The following ERBB4 variants were observed in gnomAD, a reference collection of about 807,000 sequenced individuals.
The protein encoded by ERBB4 is receptor tyrosine-protein kinase erbB-4.
In ERBB4, 42 loss-of-function variants were observed where a neutral mutation model predicts 158.0. That is an observed-to-expected ratio of 0.27 (90% CI 0.21 to 0.34). The LOEUF is 0.34. ERBB4 is among the 10% of genes least tolerant of loss of function. The pLI, the probability that ERBB4 is intolerant of heterozygous loss-of-function variation, is 1.00. For synonymous variants in ERBB4, 583 were observed against 558.7 expected (o/e 1.04, Z -0.61); for missense variants, 1,333 against 1,624.1 (o/e 0.82, Z 3.08).
At position 211,590,433 on chromosome 2, in the gene ERBB4, G is replaced by A. The variant is rs146889897; in HGVS notation, c.2302-28345C>T. 5.9e-5 allele frequency among the ~76,000 whole-genome samples: 9 copies of A among 152,256 alleles called. No individual in the cohort carries two copies. In the East Asian group the frequency reaches 1.2e-3, roughly 20 times the overall value. On this transcript the variant is annotated intron_variant, in intron 19 of 27. Transcript: ENST00000342788. ...CTGCTTCTCCCTAAACTGCTCCTAAGATCAGTGCCTGAGATATTTTGCAGC... is the reference window on the plus strand; with the variant it reads ...CTGCTTCTCCCTAAACTGCTCCTAAAATCAGTGCCTGAGATATTTTGCAGC...
chr2:211,649,111 T>C (rs760867680), intron 16 of ERBB4, among the ~76,000 whole-genome samples: 5 of 151,868 alleles, frequency 3.3e-5, no homozygotes, highest in Non-Finnish European at 7.4e-5. Context: ...TCATGGAATT[T>C]ATTGGTCCAG....
chr2:212,495,918 C>T (rs973114919), intron 1 of ERBB4, among the ~76,000 whole-genome samples: 5 of 152,094 alleles, frequency 3.3e-5, no homozygotes, highest in African/African-American at 7.2e-5. Flanking sequence ...TTCTCCCTCA[C>T]AAAAATAACA....
At chr2:212,192,600 C>G (rs1377039113) in intron 1 of ERBB4, among the ~76,000 whole-genome samples, 1 of 151,964 alleles carries the variant, frequency 6.6e-6, no homozygotes, top group Non-Finnish European at 1.5e-5. Context: ...AACAATAATG[C>G]CTTTGGTCTT....
At chr2:212,151,681 G>A (rs2080875918) in intron 1 of ERBB4, among the ~76,000 whole-genome samples, 1 of 152,088 alleles carries the variant, frequency 6.6e-6, no homozygotes. Context: ...TTGAGGTCAG[G>A]AGTTCGAGAT....
At chr2:212,152,500 C>T (rs961320590) in intron 1 of ERBB4, among the ~76,000 whole-genome samples, 1 of 152,074 alleles carries the variant, frequency 6.6e-6, no homozygotes, top group Non-Finnish European at 1.5e-5. Flanking sequence ...TTCTTCTTTG[C>T]GACTCTACCA....
At chr2:211,948,218 T>C (rs2080758206) in intron 2 of ERBB4, among the ~76,000 whole-genome samples, 1 of 151,914 alleles carries the variant, frequency 6.6e-6, no homozygotes, top group African/African-American at 2.4e-5. Context: ...GAGTGGATCA[T>C]GAGGTCAAGA....
intron 1 of ERBB4, among the ~76,000 whole-genome samples, chr2:212,468,755 CTT>C (rs769699185): frequency 6.6e-6 from 1 of 152,148 alleles, no homozygotes; most frequent in African/African-American, 2.4e-5. Context: ...GAGAACCGTA[CTT>C]TTTTTGTGGG....
chr2:211,577,402 A>G (rs1254837982), intron 19 of ERBB4, among the ~76,000 whole-genome samples: 3 of 151,986 alleles, frequency 2.0e-5, no homozygotes, highest in Non-Finnish European at 2.9e-5. Context: ...ACAGATAATC[A>G]AGTACCTTGT....
chr2:212,515,628 A>C (rs1691781672), intron 1 of ERBB4, among the ~76,000 whole-genome samples: 1 of 151,802 alleles, frequency 6.6e-6, no homozygotes, highest in Admixed American at 6.6e-5. Flanking sequence ...AAAATAAAGA[A>C]AAGGTTCACT....
chr2:212,106,418 G>T (rs895372113), intron 2 of ERBB4, among the ~76,000 whole-genome samples: 2 of 152,104 alleles, frequency 1.3e-5, no homozygotes, highest in Non-Finnish European at 2.9e-5. Context: ...GATAATTTAG[G>T]GTATCTGGTG....
chr2:211,713,507 T>C, intron 8 of ERBB4, 28 bp downstream of exon 8: 1 of 1,365,624 alleles, frequency 7.3e-7, no homozygotes, highest in Admixed American at 1.7e-5. Flanking sequence ...GGCCCAGTTC[T>C]AACTAAATAA....
chr2:211,829,270 A>G (rs2077169441), intron 3 of ERBB4, among the ~76,000 whole-genome samples: 1 of 152,176 alleles, frequency 6.6e-6, no homozygotes, highest in Non-Finnish European at 1.5e-5. Context: ...GCGTCCATAT[A>G]TAACATACAC....
At chr2:211,995,168 A>G (rs1383122033) in intron 2 of ERBB4, among the ~76,000 whole-genome samples, 1 of 152,184 alleles carries the variant, frequency 6.6e-6, no homozygotes, top group Non-Finnish European at 1.5e-5. Context: ...TCAGAACAAA[A>G]TATTTTGTAA....
intron 1 of ERBB4, among the ~76,000 whole-genome samples, chr2:212,455,623 G>C (rs78150748): frequency 2.3e-3 from 356 of 152,142 alleles, no homozygotes; most frequent in Non-Finnish European, 4.3e-3. Flanking sequence ...AGATGGAAGA[G>C]AGAGAGATTT....
chr2:211,687,873 T>C (rs2072629491), intron 12 of ERBB4, among the ~76,000 whole-genome samples: 1 of 152,190 alleles, frequency 6.6e-6, no homozygotes, highest in Non-Finnish European at 1.5e-5. Context: ...TATTTGTACT[T>C]AGCGGGAGGA....
At chr2:212,390,789 T>C (rs997003273) in intron 1 of ERBB4, among the ~76,000 whole-genome samples, 3 of 151,838 alleles carry the variant, frequency 2.0e-5, no homozygotes, top group African/African-American at 7.2e-5. Context: ...TTAAGCTTAA[T>C]ACTTTCAGAC....
At chr2:211,965,434 G>T (rs997393751) in intron 2 of ERBB4, among the ~76,000 whole-genome samples, 5 of 151,986 alleles carry the variant, frequency 3.3e-5, no homozygotes, top group Non-Finnish European at 5.9e-5. Context: ...CTTCATAAAA[G>T]ATTTGCCTGA....
At chr2:211,944,190 T>TACTATAC (rs1233279725) in intron 3 of ERBB4, among the ~76,000 whole-genome samples, 1 of 44,524 alleles carries the variant, frequency 2.2e-5, no homozygotes, top group African/African-American at 1.1e-4. Context: ...TATATATATA[T>TACTATAC]ATATATATAC....
chr2:211,783,731 G>A lies in ERBB4; in HGVS notation c.556+4294C>T, dbSNP rs550801076. On this transcript the variant is annotated intron_variant, in intron 4 of 27. Transcript: ENST00000342788. ...CAGGGATGAAGCCCACTTGATCATGGTGGATAAGCTTTTTGATGTGCTGTT... is the reference window on the plus strand; with the variant it reads ...CAGGGATGAAGCCCACTTGATCATGATGGATAAGCTTTTTGATGTGCTGTT... Among the ~76,000 whole-genome samples the A allele has an allele frequency of 1.4e-4, 21 of 152,294 alleles. No homozygotes were observed. In the East Asian group the frequency reaches 3.9e-3, roughly 28 times the overall value.
Sources: allele counts gnomAD v4.1 joint callset (sites outside exome capture counted in the v4.1 genomes callset), GRCh38; gene constraint gnomAD v4.1.1; transcripts MANE v1.5; gene names NCBI Gene and HGNC (gene_info 2026-07-23, HGNC 2026-07-21).